PSMD7: variants seen among roughly 807,000 people sequenced by gnomAD.
PSMD7 encodes proteasome 26S subunit, non-ATPase 7, also known as 26S proteasome non-ATPase regulatory subunit 7.
In PSMD7, 13 loss-of-function variants were observed where a neutral mutation model predicts 36.4. The ratio of observed to expected loss-of-function variants is 0.36; its 90% CI spans 0.23 to 0.57. The LOEUF is 0.57. PSMD7 is among the 20% of genes least tolerant of loss of function. The pLI is 0.83. For missense variants in PSMD7, 298 were observed against 393.6 expected (o/e 0.76, Z 2.06); for synonymous variants, 186 against 151.0 (o/e 1.23, Z -1.70).
In PSMD7 at chr16:74,305,378, A is replaced by G. The variant is rs2034187275; in HGVS notation, c.620A>G (p.Asp207Gly). The part of the protein sequence containing the change: ...GLKGLNSKLL[D>G]IRSYLEKVAT... The stretch of plus-strand genomic sequence containing the variant: ...AAGGGACTGAACTCCAAGCTTCTGG[A>G]TATCAGGAGCTACCTGGAAAAAGTC... Residue 207 changes from aspartate to glycine, a missense_variant, in exon 7 of 7, where the codon GAT becomes GGT. Asp to Gly is a moderately conservative substitution (Grantham distance 94). Coordinates refer to ENST00000219313, the MANE Select transcript of PSMD7 (RefSeq NM_002811.5). 8 of 1,614,086 alleles carry G rather than the reference A, an allele frequency of 5.0e-6. No homozygotes were observed. Among genetic ancestry groups the G allele is most frequent in the African/African-American group, 2.7e-5 (2 of 74,930 alleles).
In PSMD7 at chr16:74,301,096, G is replaced by C; in HGVS notation, c.211G>C (p.Asp71His). The change falls in exon 3 of 7, where the codon GAC becomes CAC. Residue 71 changes from aspartate to histidine, a missense_variant. Asp to His is a moderately conservative substitution (Grantham distance 81, BLOSUM62 -1). Transcript: ENST00000219313. ...CAAAGACGATTCTGTATGGTTTTTA[G>C]ACCATGATTATTTGGAAAACATGTA... ...DDKDDSVWFL[D>H]HDYLENMYGM... 6.2e-7 allele frequency: 1 copy of C among 1,612,900 alleles called. No individual in the cohort carries two copies. Among genetic ancestry groups the C allele is most frequent in the Non-Finnish European group, 8.5e-7 (1 of 1,179,220 alleles).
chr16:74,304,100 G>A (rs1338069622), intron 5 of PSMD7: 5 of 504,334 alleles, frequency 9.9e-6, no homozygotes, highest in Admixed American at 6.6e-5. Flanking sequence ...CCAGCAGACT[G>A]CATCACTGAG....
rs775985917 is a variant in PSMD7 at position 74,300,182 on chromosome 16, C to T, written c.142C>T (p.Leu48Phe). ...TTTGGGGTCATGGCAAAAGAAAGTACTTGATGTATCGAACAGTTTTGCAGG... is the reference window on the plus strand; with the variant it reads ...TTTGGGGTCATGGCAAAAGAAAGTATTTGATGTATCGAACAGTTTTGCAGG... ...VLLGSWQKKV[L>F]DVSNSFAVPF... The change falls in exon 2 of 7, where the codon CTT becomes TTT. Residue 48 changes from leucine (L) to phenylalanine (F), a missense_variant. By Grantham distance (22) the Leu-to-Phe change is conservative. Coordinates refer to ENST00000219313, the MANE Select transcript of PSMD7 (RefSeq NM_002811.5). 1.2e-6 allele frequency: 2 copies of T among 1,614,090 alleles called. No individual in the cohort carries two copies. Among genetic ancestry groups the T allele is most frequent in the Non-Finnish European group, 1.7e-6 (2 of 1,179,992 alleles).
chr16:74,302,182 A>G, intron 4 of PSMD7, 30 bp from the exon 5 acceptor site: 1 of 1,589,788 alleles, frequency 6.3e-7, no homozygotes, highest in Non-Finnish European at 8.6e-7. Context: ...TGGGCGTGAG[A>G]TGACTTGCTA....
intron 6 of PSMD7, chr16:74,304,641 C>A (rs909930183): frequency 4.1e-5 from 15 of 369,660 alleles, no homozygotes; most frequent in African/African-American, 2.9e-4. Context: ...GGATAGCATA[C>A]CTTGTCTGGA....
intron 1 of PSMD7, among the ~76,000 whole-genome samples, chr16:74,298,730 C>G (rs1012996975): frequency 6.6e-6 from 1 of 152,014 alleles, no homozygotes; most frequent in Admixed American, 6.6e-5. Context: ...AAAAATTAGC[C>G]AGGTGTGGTG....
chr16:74,299,621 T>A, intron 1 of PSMD7: 1 of 450,140 alleles, frequency 2.2e-6, no homozygotes, highest in Non-Finnish European at 4.5e-6. Flanking sequence ...CTCAAACTCC[T>A]GAGCTCAAGT....
At chr16:74,299,174 AT>A (rs1187417540) in intron 1 of PSMD7, among the ~76,000 whole-genome samples, 2 of 152,184 alleles carry the variant, frequency 1.3e-5, no homozygotes, top group Non-Finnish European at 2.9e-5. Context: ...AGAAAATGTA[AT>A]TAACAGTGGC....
At position 74,305,454 on chromosome 16, in the gene PSMD7, C is replaced by T. The variant is rs372322626; in HGVS notation, c.696C>T (p.Asp232=). 8.7e-6 allele frequency: 14 copies of T among 1,614,036 alleles called. No individual in the cohort carries two copies. Among genetic ancestry groups the T allele is most frequent in the Middle Eastern group, 1.6e-4 (1 of 6,082 alleles). ...ACCAGATCATCTACCAGCTGCAGGA[C>T]GTCTTCAACCTGCTGCCAGATGTCA... ...INHQIIYQLQ[D]VFNLLPDVSL... is the part of the protein sequence containing the mutation. Residue 232 remains aspartate (D), a synonymous_variant, in exon 7 of 7, where the codon GAC becomes GAT. Coordinates refer to ENST00000219313, the MANE Select transcript of PSMD7 (RefSeq NM_002811.5).
At chr16:74,300,024 G>C (rs928932089) in intron 1 of PSMD7, 91 bp from the exon 2 acceptor site, 2 of 1,117,200 alleles carry the variant, frequency 1.8e-6, no homozygotes, top group East Asian at 2.4e-5. Context: ...AATTGTATCT[G>C]TGCCATTGAT....
At chr16:74,304,596 T>A in intron 6 of PSMD7, 1 of 482,810 alleles carries the variant, frequency 2.1e-6, no homozygotes, top group South Asian at 3.2e-5. Flanking sequence ...CTACATCAAC[T>A]GTAAAATGTC....
Position 74,301,643 on chromosome 16 carries a change from T to C in PSMD7, c.348T>C (p.Cys116=), listed in dbSNP as rs757396313. 2.2e-4 allele frequency: 354 copies of C among 1,610,064 alleles called. No homozygotes were observed. The highest frequency in any genetic ancestry group is 9.9e-4 in the Middle Eastern group (6 of 6,062). The stretch of plus-strand genomic sequence containing the variant: ...TCAACGAACTCATGAAAAGATACTG[T>C]CCTAATTCCGTAAGTGGTGTCTATT... ...IAINELMKRY[C]PNSVLVIIDV... The change falls in exon 4 of 7, where the codon TGT becomes TGC. Residue 116 remains cysteine, a synonymous_variant. Coordinates refer to ENST00000219313, the MANE Select transcript of PSMD7 (RefSeq NM_002811.5).
intron 1 of PSMD7, 122 bp downstream of exon 1, chr16:74,297,110 C>G: frequency 9.5e-7 from 1 of 1,053,292 alleles, no homozygotes; most frequent in South Asian, 1.4e-5. Context: ...GTGACCCTTA[C>G]TTGTTCACGA....
At position 74,305,762 on chromosome 16, in the gene PSMD7, G is replaced by A; in HGVS notation, c.*29G>A. 2 of 1,408,782 alleles carry A rather than the reference G, an allele frequency of 1.4e-6. No homozygotes were observed. The highest frequency in any genetic ancestry group is 5.1e-5 in the East Asian group (2 of 39,132). 87.3% of individuals were successfully genotyped at this position (1,408,782 alleles called of 1,614,324 possible). A position where few individuals can be genotyped will look rare whatever the true frequency, so the allele number is the denominator to read the frequency against. On this transcript the variant is annotated 3_prime_UTR_variant, in exon 7 of 7. Transcript: ENST00000219313. Reference sequence around the variant, plus strand: ...ATGTATTAAATAGCTTTTTTAATTTGTAAATTAAAATCTTACAAACTAAAT... The same window carrying A: ...ATGTATTAAATAGCTTTTTTAATTTATAAATTAAAATCTTACAAACTAAAT...
intron 1 of PSMD7, chr16:74,299,788 G>C (rs2034141803): frequency 2.5e-6 from 1 of 403,904 alleles, no homozygotes; most frequent in African/African-American, 2.0e-5. Context: ...AAATGTGGTA[G>C]CAAAGCTTAA....
intron 1 of PSMD7, 77 bp from the exon 2 acceptor site, chr16:74,300,038 T>A (rs2142562320): frequency 1.6e-6 from 2 of 1,248,884 alleles, no homozygotes; most frequent in East Asian, 2.3e-5. Context: ...CATTGATATT[T>A]CCCATTGAGT....
At chr16:74,298,011 G>A (rs1409726315) in intron 1 of PSMD7, among the ~76,000 whole-genome samples, 2 of 151,974 alleles carry the variant, frequency 1.3e-5, no homozygotes, top group South Asian at 2.1e-4. Context: ...TAAAACACGA[G>A]GCCGAGCATG....
intron 5 of PSMD7, among the ~76,000 whole-genome samples, chr16:74,302,803 G>A (rs577977833): frequency 2.0e-4 from 31 of 152,228 alleles, no homozygotes; most frequent in Middle Eastern, 6.8e-3. Flanking sequence ...GATGAATTAC[G>A]GTCTCCTTTT....
intron 2 of PSMD7, 27 bp downstream of exon 2, chr16:74,300,233 G>A (rs181389306): frequency 3.9e-5 from 61 of 1,576,844 alleles, no homozygotes; most frequent in Middle Eastern, 3.3e-4. Context: ...ATGTTTTTCC[G>A]AGCATGATTA....
Sources: allele counts gnomAD v4.1 joint callset (sites outside exome capture counted in the v4.1 genomes callset), GRCh38; gene constraint gnomAD v4.1.1; transcripts MANE v1.5; gene names NCBI Gene and HGNC (gene_info 2026-07-23, HGNC 2026-07-21).